NRXN3: variants seen among roughly 807,000 people sequenced by gnomAD.
The protein encoded by NRXN3 is neurexin 3.
Under a neutral mutation model 137.6 loss-of-function variants are expected in NRXN3, and 32 were observed. The ratio of observed to expected loss-of-function variants is 0.23; its 90% CI spans 0.18 to 0.31. NRXN3 has a LOEUF of 0.31. NRXN3 is among the 10% of genes least tolerant of loss of function. The pLI, the probability that NRXN3 is intolerant of heterozygous loss-of-function variation, is 1.00. For missense variants in NRXN3, 1,574 were observed against 2,062.5 expected (o/e 0.76, Z 4.59); for synonymous variants, 798 against 784.5 (o/e 1.02, Z -0.29).
chr14:79,485,107 T>A (rs983053047), intron 16 of NRXN3, among the ~76,000 whole-genome samples: 1 of 152,114 alleles, frequency 6.6e-6, no homozygotes, highest in Admixed American at 6.6e-5. Flanking sequence ...GGTTGTTCTC[T>A]AATTAGGGGT....
intron 4 of NRXN3, among the ~76,000 whole-genome samples, chr14:78,356,002 A>G (rs1597703878): frequency 6.6e-6 from 1 of 152,236 alleles, no homozygotes; most frequent in South Asian, 2.1e-4. Flanking sequence ...TTTCCTTTAA[A>G]GGCAGCCTCA....
intron 15 of NRXN3, among the ~76,000 whole-genome samples, chr14:79,377,651 G>A (rs976476291): frequency 6.6e-6 from 1 of 152,168 alleles, no homozygotes; most frequent in African/African-American, 2.4e-5. Flanking sequence ...AGCTACTCAG[G>A]AGGCTGAGGC....
intron 1 of NRXN3, among the ~76,000 whole-genome samples, chr14:78,211,784 G>T (rs1410816245): frequency 6.6e-6 from 1 of 152,202 alleles, no homozygotes; most frequent in African/African-American, 2.4e-5. Flanking sequence ...GACAGGGTCA[G>T]AACTGTTAGG....
chr14:79,847,962 T>C (rs2141638501), intron 20 of NRXN3, among the ~76,000 whole-genome samples: 1 of 152,170 alleles, frequency 6.6e-6, no homozygotes, highest in African/African-American at 2.4e-5. Context: ...ATCAAGAACA[T>C]TATAAGCTCA....
chr14:79,370,471 A>G (rs1239324737), intron 15 of NRXN3, among the ~76,000 whole-genome samples: 1 of 151,788 alleles, frequency 6.6e-6, no homozygotes, highest in Admixed American at 6.6e-5. Context: ...GGCATGCGCT[A>G]CCATGCCTGG....
intron 15 of NRXN3, among the ~76,000 whole-genome samples, chr14:79,164,420 T>A (rs1319996933): frequency 1.3e-5 from 2 of 152,006 alleles, no homozygotes; most frequent in African/African-American, 4.8e-5. Flanking sequence ...AAAGTAAACA[T>A]CTAGTCCATT....
At chr14:78,268,278 T>A (rs2072129135) in intron 2 of NRXN3, among the ~76,000 whole-genome samples, 1 of 148,782 alleles carries the variant, frequency 6.7e-6, no homozygotes, top group African/African-American at 2.6e-5. Context: ...TTGTTTTGTT[T>A]TGTTTTGTTT....
At chr14:78,372,038 G>T (rs985002411) in intron 4 of NRXN3, among the ~76,000 whole-genome samples, 1 of 151,964 alleles carries the variant, frequency 6.6e-6, no homozygotes, top group Non-Finnish European at 1.5e-5. Flanking sequence ...CACAATGACA[G>T]AATTACAGTC....
At chr14:78,848,500 GAGA>G (rs1392761474) in intron 10 of NRXN3, among the ~76,000 whole-genome samples, 10 of 152,288 alleles carry the variant, frequency 6.6e-5, no homozygotes, top group Middle Eastern at 3.4e-3. Flanking sequence ...CTTCAGATTA[GAGA>G]AGGACATGTC....
At chr14:78,193,595 C>A (rs1306868048) in intron 1 of NRXN3, among the ~76,000 whole-genome samples, 1 of 151,976 alleles carries the variant, frequency 6.6e-6, no homozygotes, top group Non-Finnish European at 1.5e-5. Flanking sequence ...AACCCCATCT[C>A]TACTAAAAAT....
chr14:79,382,390 T>C (rs1373648698), intron 15 of NRXN3, among the ~76,000 whole-genome samples: 2 of 152,174 alleles, frequency 1.3e-5, no homozygotes, highest in Non-Finnish European at 1.5e-5. Context: ...TATAGGGTCA[T>C]ACTGGAGGGG....
intron 15 of NRXN3, among the ~76,000 whole-genome samples, chr14:78,996,853 C>T (rs2099531242): frequency 6.6e-6 from 1 of 152,094 alleles, no homozygotes; most frequent in African/African-American, 2.4e-5. Context: ...CTCGGGCCCA[C>T]AGATATTCCA....
chr14:79,188,217 T>C (rs901944724), intron 15 of NRXN3, among the ~76,000 whole-genome samples: 3 of 152,194 alleles, frequency 2.0e-5, no homozygotes, highest in African/African-American at 4.8e-5. Context: ...GAAACCTTTA[T>C]TGCAATTTGG....
intron 16 of NRXN3, among the ~76,000 whole-genome samples, chr14:79,645,508 C>T (rs991086561): frequency 3.0e-5 from 4 of 131,310 alleles, no homozygotes; most frequent in Admixed American, 8.3e-5. Context: ...CCCAGCTACT[C>T]GGGAGGCTAA....
chr14:78,605,328 G>C (rs751777931), intron 4 of NRXN3, among the ~76,000 whole-genome samples: 12 of 152,188 alleles, frequency 7.9e-5, no homozygotes, highest in Non-Finnish European at 1.5e-4. Flanking sequence ...AGCTCAAAGG[G>C]AAACACTGAA....
chr14:79,123,428 T>A (rs1240418879), intron 15 of NRXN3, among the ~76,000 whole-genome samples: 1 of 152,148 alleles, frequency 6.6e-6, no homozygotes, highest in African/African-American at 2.4e-5. Flanking sequence ...ATCCATATAA[T>A]AGCACTATAA....
intron 15 of NRXN3, among the ~76,000 whole-genome samples, chr14:78,998,325 G>T (rs1197126286): frequency 6.6e-6 from 1 of 152,188 alleles, no homozygotes; most frequent in African/African-American, 2.4e-5. Context: ...CATGTAATGG[G>T]CTGTGCTTCA....
chr14:79,685,925 C>T (rs945831161), intron 17 of NRXN3, among the ~76,000 whole-genome samples: 2 of 152,122 alleles, frequency 1.3e-5, no homozygotes, highest in Non-Finnish European at 1.5e-5. Context: ...CATGAACATT[C>T]GGATAGCTGG....
rs1391759787 is a variant in NRXN3, at chr14:79,596,286, A to G, written c.3445-67492A>G. ...AATTCAAATTGTTATTCTCCCAGAT[A>G]TATACTAACATGACCTTGGGGAAAT... is the stretch of plus-strand genomic sequence containing the variant. On this transcript the variant is annotated intron_variant, in intron 16 of 20. Transcript: ENST00000335750. Among the ~76,000 whole-genome samples, 4 of 152,206 alleles carry G rather than the reference A, an allele frequency of 2.6e-5. No homozygotes were observed. In the East Asian group the frequency reaches 5.8e-4, roughly 22 times the overall value.
Sources: gnomAD v4.1 joint callset for allele counts (sites outside exome capture counted in the v4.1 genomes callset) on GRCh38, gnomAD v4.1.1 for gene constraint, MANE v1.5 for transcripts, NCBI Gene and HGNC (gene_info 2026-07-23, HGNC 2026-07-21) for gene names.